DLG2: variants seen among roughly 807,000 people sequenced by gnomAD.
DLG2 encodes the protein disks large homolog 2.
In DLG2, 45 loss-of-function variants were observed where a neutral mutation model predicts 132.5. The ratio of observed to expected loss-of-function variants is 0.34; its 90% confidence interval spans 0.27 to 0.44. The LOEUF (loss-of-function observed/expected upper bound fraction) is 0.44, where lower values mean the gene tolerates loss of function less well. Among genes scored for constraint, DLG2 ranks in the 20% least tolerant of loss-of-function variants. The probability of loss-of-function intolerance (pLI) is 1.00; values close to 1 mark genes in which losing one functional copy is unlikely to be tolerated. For missense variants in DLG2, 1,045 were observed against 1,196.9 expected (o/e 0.87, Z 1.87); for synonymous variants, 424 against 419.6 (o/e 1.01, Z -0.13).
intron 6 of DLG2, among the ~76,000 whole-genome samples, chr11:84,608,591 T>C (rs1034638891): frequency 6.6e-6 from 1 of 152,134 alleles, no homozygotes; most frequent in African/African-American, 2.4e-5. Flanking sequence ...ATTCTTCCCT[T>C]GAAAACAGAT....
chr11:84,017,806 T>C (rs1484616658), intron 11 of DLG2, among the ~76,000 whole-genome samples: 1 of 152,044 alleles, frequency 6.6e-6, no homozygotes. Context: ...ATTTAGTACC[T>C]ACTATGTGCC....
At chr11:83,658,100 C>A (rs1322029282) in intron 18 of DLG2, among the ~76,000 whole-genome samples, 1 of 152,198 alleles carries the variant, frequency 6.6e-6, no homozygotes, top group Non-Finnish European at 1.5e-5. Flanking sequence ...AGTGCCCCCA[C>A]AATATTAGCT....
chr11:84,341,549 T>C (rs891869464), intron 7 of DLG2, among the ~76,000 whole-genome samples: 2 of 152,320 alleles, frequency 1.3e-5, no homozygotes, highest in African/African-American at 2.4e-5. Flanking sequence ...ATTCTAGAGA[T>C]ATACCCAGGT....
intron 3 of DLG2, among the ~76,000 whole-genome samples, chr11:85,427,443 C>T (rs1470604804): frequency 6.6e-6 from 1 of 152,226 alleles, no homozygotes. Flanking sequence ...AGAAACTCTA[C>T]AAGCCAGAAG....
At chr11:84,778,355 T>C (rs1176276724) in intron 6 of DLG2, among the ~76,000 whole-genome samples, 1 of 152,184 alleles carries the variant, frequency 6.6e-6, no homozygotes, top group East Asian at 1.9e-4. Context: ...GGTTTGATTA[T>C]TATAGCCTTG....
intron 23 of DLG2, among the ~76,000 whole-genome samples, chr11:83,472,222 A>G (rs919666): frequency 0.25 from 38,590 of 152,112 alleles, 5,085 homozygotes; most frequent in Non-Finnish European, 0.3. Context: ...ATTAGAAGGA[A>G]CCTGAGAGTT....
chr11:85,533,270 C>T (rs79695238), intron 3 of DLG2, among the ~76,000 whole-genome samples: 25,999 of 151,840 alleles, frequency 0.17, 2,885 homozygotes, highest in East Asian at 0.31. Context: ...TCGATCCACC[C>T]ACCTCAGCCT....
intron 4 of DLG2, among the ~76,000 whole-genome samples, chr11:85,234,157 G>A (rs1425445392): frequency 6.6e-6 from 1 of 151,838 alleles, no homozygotes; most frequent in African/African-American, 2.4e-5. Context: ...TTATAATATA[G>A]TAAAATATGT....
At chr11:84,394,215 T>A (rs1454664688) in intron 7 of DLG2, among the ~76,000 whole-genome samples, 1 of 152,150 alleles carries the variant, frequency 6.6e-6, no homozygotes, top group Non-Finnish European at 1.5e-5. Context: ...TTTTCTTTTA[T>A]AAAATATATG....
At chr11:83,807,911 A>C (rs1380204205) in intron 17 of DLG2, among the ~76,000 whole-genome samples, 1 of 151,902 alleles carries the variant, frequency 6.6e-6, no homozygotes, top group Non-Finnish European at 1.5e-5. Flanking sequence ...CCCCTACTTA[A>C]TCTTCCCTCT....
At chr11:85,394,958 C>T (rs986820197) in intron 3 of DLG2, among the ~76,000 whole-genome samples, 1 of 152,188 alleles carries the variant, frequency 6.6e-6, no homozygotes, top group Non-Finnish European at 1.5e-5. Flanking sequence ...AACATGTATA[C>T]TTTTGCACTA....
At chr11:84,478,488 T>G (rs941702383) in intron 7 of DLG2, among the ~76,000 whole-genome samples, 1 of 152,102 alleles carries the variant, frequency 6.6e-6, no homozygotes, top group Non-Finnish European at 1.5e-5. Context: ...CCAATCCCTA[T>G]TTGTAGGGAT....
At chr11:83,715,122 AAACT>A (rs1261036914) in intron 18 of DLG2, among the ~76,000 whole-genome samples, 2 of 152,128 alleles carry the variant, frequency 1.3e-5, no homozygotes, top group Non-Finnish European at 2.9e-5. Flanking sequence ...GACATGGATG[AAACT>A]GGTAACTACA....
intron 14 of DLG2, among the ~76,000 whole-genome samples, chr11:83,948,857 T>C (rs533318682): frequency 6.6e-6 from 1 of 152,318 alleles, no homozygotes; most frequent in Non-Finnish European, 1.5e-5. Flanking sequence ...TGGGTTTATA[T>C]ACTTAGAGTG....
intron 3 of DLG2, among the ~76,000 whole-genome samples, chr11:85,424,571 T>C (rs1037254361): frequency 1.3e-4 from 20 of 152,312 alleles, no homozygotes; most frequent in African/African-American, 4.3e-4. Context: ...ATTAGGTTTT[T>C]TCTTATGTGA....
chr11:84,944,723 G>T (rs1210590650), intron 6 of DLG2, among the ~76,000 whole-genome samples: 1 of 150,326 alleles, frequency 6.7e-6, no homozygotes, highest in Admixed American at 6.7e-5. Flanking sequence ...TCCTTCCTCA[G>T]CCTCCTGAGT....
At chr11:84,842,650 C>A (rs193218666) in intron 6 of DLG2, among the ~76,000 whole-genome samples, 87 of 151,998 alleles carry the variant, frequency 5.7e-4, no homozygotes, top group African/African-American at 2.1e-3. Flanking sequence ...GCTCAAGTGC[C>A]ATTTCCACAG....
At chr11:84,375,413 G>T (rs952931449) in intron 7 of DLG2, among the ~76,000 whole-genome samples, 4 of 152,066 alleles carry the variant, frequency 2.6e-5, no homozygotes, top group African/African-American at 9.7e-5. Context: ...TGACAATGCT[G>T]CTGAGTCTGA....
intron 6 of DLG2, among the ~76,000 whole-genome samples, chr11:84,843,290 T>TA (rs71036446): frequency 0.045 from 6,518 of 144,726 alleles, 217 homozygotes; most frequent in African/African-American, 0.083. Context: ...ATAGTACTGT[T>TA]AAAAAAAAAA....
Sources: gnomAD v4.1 joint callset for allele counts (sites outside exome capture counted in the v4.1 genomes callset) on GRCh38, gnomAD v4.1.1 for gene constraint, MANE v1.5 for transcripts, NCBI Gene and HGNC (gene_info 2026-07-23, HGNC 2026-07-21) for gene names.